Variants in TRPV3 observed in about 807,000 individuals in gnomAD.
TRPV3 encodes transient receptor potential cation channel subfamily V member 3, also known as VRL-3.
In TRPV3, 88 loss-of-function variants were observed where a neutral mutation model predicts 87.1. That is an observed-to-expected ratio of 1.01 (90% CI 0.85 to 1.21). TRPV3 has a LOEUF of 1.21. Ranked by LOEUF, TRPV3 falls within the 50% of genes most tolerant of loss-of-function variation. The pLI is 0.00. For synonymous variants in TRPV3, 438 were observed against 423.3 expected (o/e 1.03, Z -0.43); for missense variants, 1,054 against 1,030.1 (o/e 1.02, Z -0.32).
intron 2 of TRPV3, chr17:3,554,484 C>A (rs959032536): frequency 2.5e-6 from 1 of 392,414 alleles, no homozygotes; most frequent in Admixed American, 4.6e-5. Context: ...TGCCTCAGCA[C>A]CCCCGATCCC....
intron 2 of TRPV3, among the ~76,000 whole-genome samples, chr17:3,547,966 C>T (rs1695989633): frequency 6.6e-6 from 1 of 152,202 alleles, no homozygotes; most frequent in Non-Finnish European, 1.5e-5. Flanking sequence ...CAGAGAAGAG[C>T]CTTCTGGCTG....
intron 6 of TRPV3, among the ~76,000 whole-genome samples, chr17:3,539,896 A>T (rs990135997): frequency 1.3e-5 from 2 of 151,990 alleles, no homozygotes; most frequent in African/African-American, 4.8e-5. Context: ...TAGGGAGGAA[A>T]TATTCGCCCT....
In TRPV3 at chr17:3,535,571, A is replaced by G. The variant is rs2074401471; in HGVS notation, c.784+2T>C. Reference sequence around the variant, plus strand: ...TCCGCACCGGGCGGGGGCGGCACCCACCGAAGTAGAAGCCTTCGTGTTGGT... The same window carrying G: ...TCCGCACCGGGCGGGGGCGGCACCCGCCGAAGTAGAAGCCTTCGTGTTGGT... On this transcript the variant is annotated splice_donor_variant, in intron 7 of 17. Transcript: ENST00000576742. LOFTEE classifies it high-confidence loss of function. 1 of 1,587,134 alleles carries G rather than the reference A, an allele frequency of 6.3e-7. No homozygotes were observed. The highest frequency in any genetic ancestry group is 8.6e-7 in the Non-Finnish European group (1 of 1,168,974).
chr17:3,553,122 A>G lies in TRPV3; in HGVS notation c.119+1610T>C, dbSNP rs148170545. 1,085 of 152,344 alleles carry G rather than the reference A, an allele frequency of 7.1e-3. 10 individuals are homozygous for G. The highest frequency in any genetic ancestry group is 0.025 in the African/African-American group (1,038 of 41,466). The allele number at this position is 152,344 out of a possible 1,614,324, so 9.4% of individuals were successfully genotyped here. A position where few individuals can be genotyped will look rare whatever the true frequency, so the allele number is the denominator to read the frequency against. ...CCCCGCCATCCCTCCAGGCCCTCCCACCGGGACTCCTCCTTCTCCTTTACC... is the reference window on the plus strand; with the variant it reads ...CCCCGCCATCCCTCCAGGCCCTCCCGCCGGGACTCCTCCTTCTCCTTTACC... On this transcript the variant is annotated intron_variant, in intron 2 of 17. Coordinates refer to ENST00000576742, the MANE Select transcript of TRPV3 (RefSeq NM_145068.4).
At chr17:3,545,336 C>T (rs1041826632) in intron 2 of TRPV3, 65 bp from the exon 3 acceptor site, 2 of 1,263,858 alleles carry the variant, frequency 1.6e-6, no homozygotes, top group Non-Finnish European at 1.1e-6. Context: ...CTGTGTCCTG[C>T]CTCCTGGCCC....
At chr17:3,526,526 G>T (rs9899260) in intron 12 of TRPV3, among the ~76,000 whole-genome samples, 1 of 151,572 alleles carries the variant, frequency 6.6e-6, no homozygotes, top group African/African-American at 2.4e-5. Flanking sequence ...TAAGCCTGTT[G>T]CCGCCTTCTC....
intron 2 of TRPV3, among the ~76,000 whole-genome samples, chr17:3,551,537 C>T (rs1359658158): frequency 2.6e-5 from 4 of 152,122 alleles, no homozygotes; most frequent in Admixed American, 2.6e-4. Context: ...TCCTTAAAGT[C>T]GAAGAACTGT....
chr17:3,549,267 T>A (rs570604719), intron 2 of TRPV3, among the ~76,000 whole-genome samples: 1 of 152,326 alleles, frequency 6.6e-6, no homozygotes, highest in Non-Finnish European at 1.5e-5. Flanking sequence ...TTATTGAGCA[T>A]CTACAATGTG....
rs2074637614 is a variant in TRPV3 at position 3,556,822 on chromosome 17, C to T, written c.-3+854G>A. Among the ~76,000 whole-genome samples, 1 of 152,162 alleles carries T rather than the reference C, an allele frequency of 6.6e-6. No homozygotes were observed. The highest frequency in any genetic ancestry group is 1.5e-5 in the Non-Finnish European group (1 of 67,996). On this transcript the variant is annotated intron_variant, in intron 1 of 17. Transcript: ENST00000576742. The surrounding 1 kb of genome is among the most constrained non-coding windows in gnomAD (Gnocchi z 4.2). ...ACGGCCTGATGAGGATGGGCAGCCTCTATGGCTTTCCCCATCCCCACGTGG... is the reference window on the plus strand; with the variant it reads ...ACGGCCTGATGAGGATGGGCAGCCTTTATGGCTTTCCCCATCCCCACGTGG...
chr17:3,538,591 A>T (rs12948220), intron 6 of TRPV3, among the ~76,000 whole-genome samples: 93,244 of 150,800 alleles, frequency 0.62, 35,171 homozygotes, highest in Non-Finnish European at 0.85. Context: ...TTAAAAAAAA[A>T]TTTTTTTTTT....
At chr17:3,515,143 A>G (rs1473536724) in intron 16 of TRPV3, among the ~76,000 whole-genome samples, 1 of 152,224 alleles carries the variant, frequency 6.6e-6, no homozygotes, top group African/African-American at 2.4e-5. Flanking sequence ...GAATACAACC[A>G]TAGGCATTGA....
intron 6 of TRPV3, among the ~76,000 whole-genome samples, chr17:3,541,588 C>G (rs766498468): frequency 1.3e-5 from 2 of 152,172 alleles, no homozygotes; most frequent in Non-Finnish European, 2.9e-5. Flanking sequence ...CTCCCAGCAT[C>G]CTCTCTGGCC....
intron 6 of TRPV3, among the ~76,000 whole-genome samples, chr17:3,538,122 C>T (rs1324550214): frequency 6.7e-6 from 1 of 149,936 alleles, no homozygotes; most frequent in African/African-American, 2.5e-5. Flanking sequence ...GGTGTGAACC[C>T]GGGAGGTGGA....
At position 3,529,006 on chromosome 17, in the gene TRPV3, A is replaced by G; in HGVS notation, c.1243-11T>C. On this transcript the variant is annotated splice_polypyrimidine_tract_variant and intron_variant, in intron 9 of 17. Coordinates refer to ENST00000576742, the MANE Select transcript of TRPV3 (RefSeq NM_145068.4). ...CATCTCATGCCGGTTCTAGGGGTAGAATGCCACCAGTCACCATGGAGATGA... is the reference window on the plus strand; with the variant it reads ...CATCTCATGCCGGTTCTAGGGGTAGGATGCCACCAGTCACCATGGAGATGA... 2 of 1,614,068 alleles carry G rather than the reference A, an allele frequency of 1.2e-6. No individual in the cohort carries two copies. The highest frequency in any genetic ancestry group is 1.7e-6 in the Non-Finnish European group (2 of 1,179,984).
In TRPV3 at chr17:3,523,932, C is replaced by T. The variant is rs140047602; in HGVS notation, c.1743+266G>A. Among the ~76,000 whole-genome samples, 247 of 147,042 alleles carry T rather than the reference C, an allele frequency of 1.7e-3. 1 individual carries two copies. The highest frequency in any genetic ancestry group is 6.2e-3 in the African/African-American group (227 of 36,770). ...TACACACACACACACACAGAACAGT[C>T]GTTAAATGTTTACCAGCACGCCACT... is the stretch of plus-strand genomic sequence containing the variant. On this transcript the variant is annotated intron_variant, in intron 13 of 17. Transcript: ENST00000576742.
chr17:3,536,279 G>C (rs1053666159), intron 6 of TRPV3, among the ~76,000 whole-genome samples: 1 of 152,218 alleles, frequency 6.6e-6, no homozygotes, highest in African/African-American at 2.4e-5. Flanking sequence ...GGCTGCAAAA[G>C]TGGAGGATGC....
In TRPV3 at chr17:3,528,991, C is replaced by G. The variant is rs752293337; in HGVS notation, c.1247G>C (p.Arg416Pro). 1 of 1,614,116 alleles carries G rather than the reference C, an allele frequency of 6.2e-7. No homozygotes were observed. Among genetic ancestry groups the G allele is most frequent in the South Asian group, 1.1e-5 (1 of 91,062 alleles). Residue 416 changes from arginine (R) to proline (P), a missense_variant, in exon 10 of 18, where the codon CGG (arginine) becomes CCG (proline). By Grantham distance (103) the Arg-to-Pro change is moderately radical. Coordinates refer to ENST00000576742, the MANE Select transcript of TRPV3 (RefSeq NM_145068.4). This position sits in a 1 kb window ranked among gnomAD's most constrained non-coding sequence, Gnocchi z 4.2. Reference sequence around the variant, plus strand: ...CGGCTCCAGGGTCAGCATCTCATGCCGGTTCTAGGGGTAGAATGCCACCAG... The same window carrying G: ...CGGCTCCAGGGTCAGCATCTCATGCGGGTTCTAGGGGTAGAATGCCACCAG... ...ITVYNTNIDNRHEMLTLEPLH... is the reference protein window; with the variant it reads ...ITVYNTNIDNPHEMLTLEPLH...
At chr17:3,526,103 T>C (rs1361062938) in intron 12 of TRPV3, among the ~76,000 whole-genome samples, 1 of 152,130 alleles carries the variant, frequency 6.6e-6, no homozygotes, top group Non-Finnish European at 1.5e-5. Flanking sequence ...ACAGGCACGA[T>C]TGTAAGAAAA....
chr17:3,556,916 C>T lies in TRPV3; in HGVS notation c.-3+760G>A, dbSNP rs1355103665. ...GACAGAAGAAGGGCACGTCTCTTGC[C>T]CCTCCCAGGGCCTCTGGTTTCCTTT... On this transcript the variant is annotated intron_variant, in intron 1 of 17. Transcript: ENST00000576742. The surrounding 1 kb of genome is among the most constrained non-coding windows in gnomAD (Gnocchi z 4.2). 1.3e-5 allele frequency among the ~76,000 whole-genome samples: 2 copies of T among 152,172 alleles called. No individual in the cohort carries two copies. The highest frequency in any genetic ancestry group is 2.9e-5 in the Non-Finnish European group (2 of 68,018).
Sources: gnomAD v4.1 joint callset for allele counts (sites outside exome capture counted in the v4.1 genomes callset) on GRCh38, gnomAD v4.1.1 for gene constraint, Gnocchi (gnomAD v3.1) non-coding constraint, MANE v1.5 for transcripts, NCBI Gene and HGNC (gene_info 2026-07-23, HGNC 2026-07-21) for gene names.